The following WDR70 variants were observed in gnomAD, a reference collection of about 807,000 sequenced individuals.
WDR70 encodes the protein WD repeat domain 70.
A neutral mutation model predicts 88.6 loss-of-function variants in WDR70; 53 were observed. The ratio of observed to expected loss-of-function variants is 0.60; its 90% CI spans 0.48 to 0.75. The LOEUF is 0.75. Among genes scored for constraint, WDR70 ranks in the 30% least tolerant of loss-of-function variants. The probability of loss-of-function intolerance (pLI) is 0.00; values close to 1 mark genes in which losing one functional copy is unlikely to be tolerated. For synonymous variants in WDR70, 280 were observed against 270.0 expected (o/e 1.04, Z -0.36); for missense variants, 610 against 823.2 (o/e 0.74, Z 3.17).
chr5:37,729,875 A>G (rs1748094695), intron 17 of WDR70, among the ~76,000 whole-genome samples: 1 of 151,878 alleles, frequency 6.6e-6, no homozygotes, highest in African/African-American at 2.4e-5. Flanking sequence ...CCCTTTTCCT[A>G]TTCCCAGTCC....
At chr5:37,677,808 A>T (rs1746283469) in intron 10 of WDR70, among the ~76,000 whole-genome samples, 1 of 151,844 alleles carries the variant, frequency 6.6e-6, no homozygotes. Context: ...TTCTGTCTCG[A>T]TCTGTCTAAT....
chr5:37,697,751 G>A lies in WDR70; in HGVS notation c.1189G>A (p.Gly397Arg), dbSNP rs1461547768. The A allele has an allele frequency of 6.2e-7, 1 of 1,612,366 alleles. No homozygotes were observed. Residue 397 changes from glycine (G) to arginine (R), a missense_variant, in exon 11 of 18, where the codon GGA becomes AGA. By Grantham distance (125) the Gly-to-Arg change is moderately radical. This residue lies in a region of WDR70 where 254 missense variants were observed against 300.7 expected (regional missense o/e 0.84). Transcript: ENST00000265107. ...SYDGNVLASR[G>R]GDDSLKLWDI... ...TGATGGTAATGTCCTTGCCTCTCGT[G>A]GAGGTAGGTTAAAAGCTTTCTTTTT...
intron 8 of WDR70, among the ~76,000 whole-genome samples, 190 bp downstream of exon 8, chr5:37,480,177 G>A (rs549304180): frequency 5.1e-4 from 78 of 152,248 alleles, no homozygotes; most frequent in Non-Finnish European, 9.4e-4. Context: ...CACTAGGATC[G>A]CTGTAAGATA....
At chr5:37,441,577 C>G (rs1000600310) in intron 6 of WDR70, among the ~76,000 whole-genome samples, 1 of 152,040 alleles carries the variant, frequency 6.6e-6, no homozygotes, top group Admixed American at 6.6e-5. Context: ...CCCAGCTTTG[C>G]GAGTCTGAGG....
intron 9 of WDR70, among the ~76,000 whole-genome samples, chr5:37,540,674 CT>C (rs752497112): frequency 3.9e-5 from 6 of 152,356 alleles, no homozygotes; most frequent in Admixed American, 2.0e-4. Flanking sequence ...GCCATTGCCC[CT>C]GGCCTAACGT....
intron 10 of WDR70, among the ~76,000 whole-genome samples, chr5:37,628,217 C>G (rs1200709574): frequency 6.6e-6 from 1 of 152,190 alleles, no homozygotes; most frequent in Non-Finnish European, 1.5e-5. Flanking sequence ...GCCTCCATTT[C>G]TGGCCTGTGG....
At chr5:37,577,928 A>C (rs989442733) in intron 9 of WDR70, among the ~76,000 whole-genome samples, 2 of 152,206 alleles carry the variant, frequency 1.3e-5, no homozygotes, top group Non-Finnish European at 1.5e-5. Flanking sequence ...GTGGTGTTGA[A>C]GTCAGAGGGA....
intron 9 of WDR70, among the ~76,000 whole-genome samples, chr5:37,604,319 A>G (rs1256271386): frequency 6.6e-6 from 1 of 152,240 alleles, no homozygotes; most frequent in Non-Finnish European, 1.5e-5. Flanking sequence ...TAGAACTTTA[A>G]GGATGTTGTT....
At chr5:37,585,496 A>G (rs535658916) in intron 9 of WDR70, among the ~76,000 whole-genome samples, 61 of 152,150 alleles carry the variant, frequency 4.0e-4, no homozygotes, top group Non-Finnish European at 7.1e-4. Context: ...TGCCCTCTTG[A>G]GAAGAGTAGG....
At chr5:37,673,582 T>TTC (rs1222254300) in intron 10 of WDR70, among the ~76,000 whole-genome samples, 93 of 48,452 alleles carry the variant, frequency 1.9e-3, no homozygotes, top group East Asian at 4.0e-3. Context: ...TGACTTTTCT[T>TTC]ACCCCCCCCC....
At chr5:37,510,020 G>A (rs368547893) in intron 8 of WDR70, among the ~76,000 whole-genome samples, 1 of 150,426 alleles carries the variant, frequency 6.6e-6, no homozygotes, top group East Asian at 2.0e-4. Context: ...TGTGGTGGTC[G>A]CACCATTGCA....
intron 10 of WDR70, among the ~76,000 whole-genome samples, chr5:37,635,514 G>A (rs185065608): frequency 1.3e-3 from 194 of 152,244 alleles, no homozygotes; most frequent in Non-Finnish European, 2.2e-3. Flanking sequence ...TGACTCTGCA[G>A]AATTGGATTT....
In WDR70 at chr5:37,688,353, T is replaced by C. The variant is rs192270586; in HGVS notation, c.1093-9302T>C. ...CCTCCTGGTTCCTGGCCCAGTGCCC[T>C]TTTTACTGTACTAAACTGTCTTATC... is the stretch of plus-strand genomic sequence containing the variant. On this transcript the variant is annotated intron_variant, in intron 10 of 17. Coordinates refer to ENST00000265107, the MANE Select transcript of WDR70 (RefSeq NM_018034.4). Among the ~76,000 whole-genome samples, 80 of 152,336 alleles carry C rather than the reference T, an allele frequency of 5.3e-4. 1 individual carries two copies. The highest frequency in any genetic ancestry group is 4.1e-3 in the Admixed American group (62 of 15,308).
intron 5 of WDR70, among the ~76,000 whole-genome samples, chr5:37,415,307 A>C (rs1749670716): frequency 6.6e-6 from 1 of 151,212 alleles, no homozygotes; most frequent in Non-Finnish European, 1.5e-5. Context: ...TACACCTCCC[A>C]GACGGGGTGG....
chr5:37,726,756 TA>T, intron 16 of WDR70, 126 bp from the exon 17 acceptor site: 1 of 971,266 alleles, frequency 1.0e-6, no homozygotes, highest in Non-Finnish European at 1.4e-6. Flanking sequence ...GTCATAAATC[TA>T]AGCTGAAAGG....
intron 13 of WDR70, among the ~76,000 whole-genome samples, chr5:37,714,115 A>T (rs1747590432): frequency 6.6e-6 from 1 of 152,214 alleles, no homozygotes; most frequent in South Asian, 2.1e-4. Context: ...TAGTAAGATA[A>T]ATAATATTTT....
chr5:37,493,003 G>A (rs562980169), intron 8 of WDR70, among the ~76,000 whole-genome samples: 1 of 152,328 alleles, frequency 6.6e-6, no homozygotes, highest in African/African-American at 2.4e-5. Context: ...CAAACCAGGT[G>A]ATCTCTAGGA....
chr5:37,395,635 T>C (rs896395987), intron 4 of WDR70, among the ~76,000 whole-genome samples: 1 of 152,196 alleles, frequency 6.6e-6, no homozygotes, highest in African/African-American at 2.4e-5. Flanking sequence ...TAATATTAAC[T>C]TCCTTACATG....
At chr5:37,467,008 A>G (rs1487975496) in intron 7 of WDR70, among the ~76,000 whole-genome samples, 1 of 152,068 alleles carries the variant, frequency 6.6e-6, no homozygotes, top group Non-Finnish European at 1.5e-5. Context: ...GGCCGAGGCA[A>G]GTGGATCACT....
Sources: allele counts gnomAD v4.1 joint callset (sites outside exome capture counted in the v4.1 genomes callset), GRCh38; gene constraint gnomAD v4.1.1; regional missense constraint gnomAD v4.1.1; transcripts MANE v1.5; gene names NCBI Gene and HGNC (gene_info 2026-07-23, HGNC 2026-07-21).